Variants in DLG2 observed in about 807,000 individuals in gnomAD.
DLG2 encodes disks large homolog 2.
A neutral mutation model predicts 132.5 loss-of-function variants in DLG2; 45 were observed. That is an observed-to-expected ratio of 0.34 (90% CI 0.27 to 0.44). DLG2 has a LOEUF of 0.44. Among genes scored for constraint, DLG2 ranks in the 20% least tolerant of loss-of-function variants. DLG2 has a pLI of 1.00. For missense variants in DLG2, 1,045 were observed against 1,196.9 expected (o/e 0.87, Z 1.87); for synonymous variants, 424 against 419.6 (o/e 1.01, Z -0.13).
intron 7 of DLG2, among the ~76,000 whole-genome samples, chr11:84,487,052 T>A (rs2099152856): frequency 6.6e-6 from 1 of 152,152 alleles, no homozygotes; most frequent in Non-Finnish European, 1.5e-5. Flanking sequence ...AACTTTGTTT[T>A]CAGGAGAAAT....
At chr11:84,540,412 C>A (rs1166050882) in intron 6 of DLG2, among the ~76,000 whole-genome samples, 1 of 150,594 alleles carries the variant, frequency 6.6e-6, no homozygotes, top group Non-Finnish European at 1.5e-5. Context: ...CAAAAGAAGA[C>A]ATTTATGCAG....
intron 3 of DLG2, chr11:85,469,326 C>G (rs1373554592): frequency 6.6e-6 from 1 of 152,196 alleles, no homozygotes; most frequent in Non-Finnish European, 1.5e-5. Context: ...TAAAATCAAT[C>G]AGATATCAGA....
At chr11:85,609,641 C>CTGGGCCA (rs2080848321) in intron 2 of DLG2, among the ~76,000 whole-genome samples, 1 of 152,230 alleles carries the variant, frequency 6.6e-6, no homozygotes, top group Admixed American at 6.5e-5. Flanking sequence ...CAGAGGTTCT[C>CTGGGCCA]TGGGCCAGTA....
chr11:83,774,262 G>C (rs1040906298), intron 18 of DLG2, among the ~76,000 whole-genome samples: 5 of 151,988 alleles, frequency 3.3e-5, no homozygotes, highest in African/African-American at 1.2e-4. Flanking sequence ...TCCTCCTCTG[G>C]GTCTAATTAT....
chr11:84,591,223 CTGTGTGTG>C (rs781411791), intron 6 of DLG2, among the ~76,000 whole-genome samples: 26 of 139,222 alleles, frequency 1.9e-4, no homozygotes, highest in African/African-American at 3.6e-4. Flanking sequence ...ATGTGTCTCT[CTGTGTGTG>C]TGTGTGTGTG....
chr11:85,191,678 C>T (rs934882834), intron 4 of DLG2, among the ~76,000 whole-genome samples: 1 of 152,146 alleles, frequency 6.6e-6, no homozygotes, highest in African/African-American at 2.4e-5. Context: ...ATGTGTATCT[C>T]ATGTATGACC....
rs561715923 is a variant in DLG2 at position 83,768,309 on chromosome 11, G to C, written c.1825+18381C>G. On this transcript the variant is annotated intron_variant, in intron 18 of 27. Coordinates refer to ENST00000376104, the MANE Select transcript of DLG2 (RefSeq NM_001142699.3). ...TAAAGGTTGCATGCAGTTTCCTGTTGCATCTGTACCTTCTACATTAGATGC... is the reference window on the plus strand; with the variant it reads ...TAAAGGTTGCATGCAGTTTCCTGTTCCATCTGTACCTTCTACATTAGATGC... Among the ~76,000 whole-genome samples, 121 of 152,266 alleles carry C rather than the reference G, an allele frequency of 7.9e-4. 1 individual carries two copies. Among genetic ancestry groups the C allele is most frequent in the Non-Finnish European group, 1.5e-3 (103 of 68,028 alleles).
chr11:83,561,887 T>C (rs11233673), intron 19 of DLG2, among the ~76,000 whole-genome samples: 40 of 50,328 alleles, frequency 7.9e-4, no homozygotes, highest in Middle Eastern at 7.7e-3. Flanking sequence ...TTCTTTCTTT[T>C]TTTTTTTTTT....
chr11:84,577,909 C>A (rs2099506287), intron 6 of DLG2, among the ~76,000 whole-genome samples: 1 of 152,126 alleles, frequency 6.6e-6, no homozygotes, highest in Non-Finnish European at 1.5e-5. Context: ...GGGGGCCAGG[C>A]CCAGGGTCCC....
chr11:84,273,230 G>C (rs775950283), intron 7 of DLG2: 1 of 1,537,960 alleles, frequency 6.5e-7, no homozygotes, highest in East Asian at 2.5e-5. Flanking sequence ...ATAATTCTCA[G>C]CCCGAGAAAC....
intron 14 of DLG2, among the ~76,000 whole-genome samples, chr11:83,936,727 T>C (rs2081528023): frequency 6.6e-6 from 1 of 152,188 alleles, no homozygotes; most frequent in African/African-American, 2.4e-5. Context: ...TCAACAAAAT[T>C]AGGCTCTCTC....
chr11:85,184,475 G>A (rs2079949054), intron 4 of DLG2, among the ~76,000 whole-genome samples: 1 of 151,536 alleles, frequency 6.6e-6, no homozygotes, highest in Admixed American at 6.6e-5. Context: ...AACCAGTAAT[G>A]GCAGCTTTTG....
intron 11 of DLG2, among the ~76,000 whole-genome samples, chr11:84,045,409 T>G (rs1375494155): frequency 6.6e-6 from 1 of 151,678 alleles, no homozygotes; most frequent in Non-Finnish European, 1.5e-5. Context: ...AATATTACAT[T>G]CAATAGAGAT....
At chr11:84,092,591 T>A (rs1261794760) in intron 10 of DLG2, among the ~76,000 whole-genome samples, 1 of 152,154 alleles carries the variant, frequency 6.6e-6, no homozygotes, top group African/African-American at 2.4e-5. Context: ...GACTGGAGCT[T>A]GATTTGAAGT....
At chr11:84,743,014 C>G (rs979820916) in intron 6 of DLG2, among the ~76,000 whole-genome samples, 2 of 151,816 alleles carry the variant, frequency 1.3e-5, no homozygotes, top group East Asian at 3.9e-4. Flanking sequence ...TCATAGAGAC[C>G]CTAGTAGTGA....
chr11:84,394,664 TG>T (rs2098804947), intron 7 of DLG2, among the ~76,000 whole-genome samples: 1 of 149,952 alleles, frequency 6.7e-6, no homozygotes, highest in Non-Finnish European at 1.5e-5. Flanking sequence ...AGTCTTGCTC[TG>T]TCACCCAGGC....
intron 6 of DLG2, among the ~76,000 whole-genome samples, chr11:84,988,212 G>A (rs375082127): frequency 6.6e-6 from 1 of 152,124 alleles, no homozygotes; most frequent in Non-Finnish European, 1.5e-5. Flanking sequence ...ACTCCTGCAA[G>A]AATGGCCATA....
intron 21 of DLG2, among the ~76,000 whole-genome samples, chr11:83,489,032 G>T (rs2093689480): frequency 1.3e-5 from 2 of 152,010 alleles, no homozygotes; most frequent in African/African-American, 2.4e-5. Flanking sequence ...ATTAAAAAAA[G>T]ATTACTTCTG....
At chr11:84,503,543 T>C (rs139147353) in intron 7 of DLG2, among the ~76,000 whole-genome samples, 15 of 152,228 alleles carry the variant, frequency 9.9e-5, no homozygotes, top group African/African-American at 2.4e-4. Flanking sequence ...TGGCTTTCCA[T>C]AGAGTGTGCC....
Sources: allele counts gnomAD v4.1 joint callset (sites outside exome capture counted in the v4.1 genomes callset), GRCh38; gene constraint gnomAD v4.1.1; transcripts MANE v1.5; gene names NCBI Gene and HGNC (gene_info 2026-07-23, HGNC 2026-07-21).